Variants in EXOC3L2 observed in about 807,000 individuals in gnomAD.
EXOC3L2 encodes the protein exocyst complex component 3-like protein 2.
In EXOC3L2, 17 loss-of-function variants were observed where a neutral mutation model predicts 44.4. That is an observed-to-expected ratio of 0.38 (90% CI 0.26 to 0.57). The LOEUF (loss-of-function observed/expected upper bound fraction) is 0.57. Ranked by LOEUF, EXOC3L2 falls within the 20% of genes least tolerant of loss-of-function variation. EXOC3L2 has a pLI of 0.65. For synonymous variants in EXOC3L2, 256 were observed against 253.7 expected (o/e 1.01, Z -0.09); for missense variants, 541 against 588.4 (o/e 0.92, Z 0.83).
intron 1 of EXOC3L2, among the ~76,000 whole-genome samples, chr19:45,242,390 A>T (rs1200404695): frequency 6.6e-6 from 1 of 152,024 alleles, no homozygotes; most frequent in Non-Finnish European, 1.5e-5. Flanking sequence ...TCAGCCTCCC[A>T]AGCAACGGGG....
chr19:45,229,847 A>G (rs1228139247), intron 4 of EXOC3L2, among the ~76,000 whole-genome samples: 1 of 108,746 alleles, frequency 9.2e-6, no homozygotes, highest in Non-Finnish European at 1.7e-5. Flanking sequence ...CTCCGTCTCA[A>G]AATATATATA....
chr19:45,213,230 G>C lies in EXOC3L2; in HGVS notation c.2248C>G (p.Arg750Gly). 1.2e-6 allele frequency: 2 copies of C among 1,612,292 alleles called. No homozygotes were observed. The highest frequency in any genetic ancestry group is 1.7e-6 in the Non-Finnish European group (2 of 1,179,214). Residue 750 changes from arginine to glycine, a missense_variant, in exon 12 of 12, where the codon CGT (arginine) becomes GGT (glycine). By Grantham distance (125) the Arg-to-Gly change is moderately radical (BLOSUM62 -2). Coordinates refer to ENST00000413988, the MANE Select transcript of EXOC3L2 (RefSeq NM_001382422.1). The part of the protein sequence containing the change: ...EEGALSPPRD[R>G]AFFADIPVPR... Reference sequence around the variant, plus strand: ...ACAGGGATGTCTGCAAAGAAGGCACGGTCCCGAGGGGGTGACAGGGCTCCC... The same window carrying C: ...ACAGGGATGTCTGCAAAGAAGGCACCGTCCCGAGGGGGTGACAGGGCTCCC...
chr19:45,213,909 G>A (rs1599759042), intron 11 of EXOC3L2, among the ~76,000 whole-genome samples: 4 of 151,842 alleles, frequency 2.6e-5, no homozygotes, highest in South Asian at 4.2e-4. Flanking sequence ...AGCTGAGATC[G>A]CGCCACTGCA....
intron 2 of EXOC3L2, among the ~76,000 whole-genome samples, chr19:45,236,774 A>T (rs1970087967): frequency 6.6e-6 from 1 of 151,996 alleles, no homozygotes; most frequent in Non-Finnish European, 1.5e-5. Context: ...AGGCGGGTGG[A>T]TCACCTGAGA....
At chr19:45,219,017 T>C (rs1156659028) in intron 8 of EXOC3L2, among the ~76,000 whole-genome samples, 1 of 151,888 alleles carries the variant, frequency 6.6e-6, no homozygotes, top group Non-Finnish European at 1.5e-5. Flanking sequence ...GGCGGGTGGA[T>C]CACCTAAGGT....
At chr19:45,226,747 C>CTTTTTTTTTTTTTTTTTTTT (rs957385712) in intron 7 of EXOC3L2, among the ~76,000 whole-genome samples, 14 of 90,654 alleles carry the variant, frequency 1.5e-4, no homozygotes, top group African/African-American at 8.0e-4. Context: ...ACTCCCATCT[C>CTTTTTTTTTTTTTTTTTTTT]TTTTTTTTTT....
intron 8 of EXOC3L2, among the ~76,000 whole-genome samples, chr19:45,219,854 T>C (rs1969878748): frequency 6.6e-6 from 1 of 152,108 alleles, no homozygotes; most frequent in Non-Finnish European, 1.5e-5. Flanking sequence ...AAAACCGTCT[T>C]TTGGCCAGGC....
intron 8 of EXOC3L2, among the ~76,000 whole-genome samples, chr19:45,219,145 G>A (rs551456667): frequency 2.2e-4 from 33 of 151,262 alleles, no homozygotes; most frequent in Non-Finnish European, 3.7e-4. Context: ...CCTAGGAGGT[G>A]GAGGTTGCAG....
intron 11 of EXOC3L2, among the ~76,000 whole-genome samples, chr19:45,214,762 G>C (rs116686539): frequency 0.012 from 1,884 of 152,076 alleles, 41 homozygotes; most frequent in African/African-American, 0.043. Flanking sequence ...ACCATGCCCG[G>C]CCGATCTGGT....
In EXOC3L2 at chr19:45,237,126, A is replaced by G. The variant is rs892619671; in HGVS notation, c.523+1397T>C. Among the ~76,000 whole-genome samples the G allele has an allele frequency of 3.3e-5, 5 of 152,002 alleles. No homozygotes were observed. The South Asian group carries it at 8.3e-4, about 25-fold the overall frequency. On this transcript the variant is annotated intron_variant, in intron 2 of 11. Coordinates refer to ENST00000413988, the MANE Select transcript of EXOC3L2 (RefSeq NM_001382422.1). ...AAGAGTTTAAAAGGGTGGAAGGTGA[A>G]CATGGGGAAGAATGGGATATGAAAC...
chr19:45,231,712 C>A (rs369069542), intron 4 of EXOC3L2, 51 bp downstream of exon 4: 6 of 1,500,550 alleles, frequency 4.0e-6, no homozygotes, highest in South Asian at 3.5e-5. Context: ...CCCACTGTGA[C>A]CCCCTCCCTC....
Position 45,231,795 on chromosome 19 carries a change from C to T in EXOC3L2, c.1237G>A (p.Gly413Ser). ...GPLLSPGTLRGLEDECVTDVK... is the reference protein window; with the variant it reads ...GPLLSPGTLRSLEDECVTDVK... ...TCTGTGACGCATTCATCCTCCAAAC[C>T]CCGCAGGGTGCCAGGGGAGAGAAGG... The change falls in exon 4 of 12, where the codon GGT (glycine) becomes AGT (serine). Residue 413 changes from glycine (G) to serine (S), a missense_variant. Coordinates refer to ENST00000413988, the MANE Select transcript of EXOC3L2 (RefSeq NM_001382422.1). The T allele has an allele frequency of 6.2e-7, 1 of 1,610,920 alleles. No homozygotes were observed. The highest frequency in any genetic ancestry group is 8.5e-7 in the Non-Finnish European group (1 of 1,177,546).
At position 45,229,881 on chromosome 19, in the gene EXOC3L2, T is replaced by C. The variant is rs578119105; in HGVS notation, c.1270-1615A>G. Among the ~76,000 whole-genome samples, 98 of 109,188 alleles carry C rather than the reference T, an allele frequency of 9.0e-4. 1 individual carries two copies. The highest frequency in any genetic ancestry group is 3.6e-3 in the African/African-American group (66 of 18,246). The allele number at this position is 109,188 out of a possible 152,430, so 71.6% of individuals were successfully genotyped here. ...TATGTGTACATTATAAATAAAGCTA[T>C]AATATAATATATTATTGTATATTAT... is the stretch of plus-strand genomic sequence containing the variant. On this transcript the variant is annotated intron_variant, in intron 4 of 11. Transcript: ENST00000413988.
At chr19:45,213,759 A>G (rs1208701113) in intron 11 of EXOC3L2, among the ~76,000 whole-genome samples, 1 of 151,910 alleles carries the variant, frequency 6.6e-6, no homozygotes, top group African/African-American at 2.4e-5. Context: ...AGCCTGGCCA[A>G]CATGGCGAAA....
intron 8 of EXOC3L2, among the ~76,000 whole-genome samples, chr19:45,222,630 G>A (rs1027060344): frequency 6.6e-6 from 1 of 151,862 alleles, no homozygotes; most frequent in Non-Finnish European, 1.5e-5. Context: ...CTCTGTCTGT[G>A]TCTCTCTCTC....
At chr19:45,221,771 C>T (rs1431406849) in intron 8 of EXOC3L2, among the ~76,000 whole-genome samples, 1 of 151,700 alleles carries the variant, frequency 6.6e-6, no homozygotes, top group African/African-American at 2.4e-5. Flanking sequence ...CTTCAGCCTC[C>T]CAAGTACCTG....
intron 9 of EXOC3L2, 98 bp from the exon 10 acceptor site, chr19:45,217,781 C>T: frequency 2.3e-6 from 3 of 1,329,526 alleles, no homozygotes; most frequent in Non-Finnish European, 2.9e-6. Flanking sequence ...TCGCCCACAT[C>T]CACTCCGGGC....
intron 1 of EXOC3L2, among the ~76,000 whole-genome samples, chr19:45,239,877 G>A (rs55787807): frequency 0.22 from 32,855 of 151,702 alleles, 3,932 homozygotes; most frequent in South Asian, 0.29. Flanking sequence ...AGGCTGAGAG[G>A]GGGGAAGGCT....
In EXOC3L2 at chr19:45,217,509, A is replaced by G; in HGVS notation, c.1998+19T>C. 2 of 1,560,864 alleles carry G rather than the reference A, an allele frequency of 1.3e-6. No individual in the cohort carries two copies. The highest frequency in any genetic ancestry group is 2.5e-5 in the East Asian group (1 of 40,614). ...TGTCCTGGTTTCTGAAACACCCCCA[A>G]CCGCGTCCCGACACTGACCAGCCGC... On this transcript the variant is annotated intron_variant, in intron 10 of 11. Transcript: ENST00000413988.
Sources: allele counts gnomAD v4.1 joint callset (sites outside exome capture counted in the v4.1 genomes callset), GRCh38; gene constraint gnomAD v4.1.1; transcripts MANE v1.5; gene names NCBI Gene and HGNC (gene_info 2026-07-23, HGNC 2026-07-21).